The following GUCY1A2 variants were observed in gnomAD, a reference collection of about 807,000 sequenced individuals.
GUCY1A2 encodes the protein guanylate cyclase soluble subunit alpha-2.
A neutral mutation model predicts 63.5 loss-of-function variants in GUCY1A2; 27 were observed. The ratio of observed to expected loss-of-function variants is 0.43; its 90% CI spans 0.31 to 0.59. The LOEUF is 0.59. Among genes scored for constraint, GUCY1A2 ranks in the 20% least tolerant of loss-of-function variants. The probability of loss-of-function intolerance (pLI) is 0.11; values close to 1 mark genes in which losing one functional copy is unlikely to be tolerated. For synonymous variants in GUCY1A2, 364 were observed against 343.5 expected (o/e 1.06, Z -0.66); for missense variants, 768 against 913.3 (o/e 0.84, Z 2.05).
intron 5 of GUCY1A2, among the ~76,000 whole-genome samples, chr11:106,793,417 A>G (rs1670770874): frequency 6.6e-6 from 1 of 152,204 alleles, no homozygotes; most frequent in African/African-American, 2.4e-5. Context: ...ACATAAGGAC[A>G]AAGCTCTGTG....
chr11:106,817,631 T>C (rs1429189668), intron 4 of GUCY1A2, among the ~76,000 whole-genome samples: 2 of 152,042 alleles, frequency 1.3e-5, no homozygotes, highest in East Asian at 3.9e-4. Flanking sequence ...ATCCAAAATA[T>C]ATAAAGAACT....
intron 4 of GUCY1A2, among the ~76,000 whole-genome samples, chr11:106,857,946 C>T (rs886331713): frequency 6.6e-6 from 1 of 152,010 alleles, no homozygotes; most frequent in Non-Finnish European, 1.5e-5. Context: ...GGAACAAATC[C>T]AGGACTTTAA....
chr11:107,008,438 G>A (rs538103309), intron 1 of GUCY1A2, among the ~76,000 whole-genome samples: 20 of 152,148 alleles, frequency 1.3e-4, no homozygotes, highest in African/African-American at 4.3e-4. Flanking sequence ...CTATATTCCC[G>A]TTTATGTCTG....
intron 7 of GUCY1A2, among the ~76,000 whole-genome samples, chr11:106,707,715 G>A (rs1862941176): frequency 6.6e-6 from 1 of 151,860 alleles, no homozygotes; most frequent in South Asian, 2.1e-4. Flanking sequence ...AGACACAGTC[G>A]CTGCCCATAT....
At chr11:106,836,440 CGTCT>C (rs1859118786) in intron 4 of GUCY1A2, among the ~76,000 whole-genome samples, 1 of 151,960 alleles carries the variant, frequency 6.6e-6, no homozygotes, top group Non-Finnish European at 1.5e-5. Context: ...CAAGATGAAT[CGTCT>C]GTCTGAAATG....
At chr11:106,994,295 C>T (rs977020011) in intron 1 of GUCY1A2, among the ~76,000 whole-genome samples, 2 of 152,118 alleles carry the variant, frequency 1.3e-5, no homozygotes, top group African/African-American at 4.8e-5. Flanking sequence ...GTTTGCTTTC[C>T]CAGTATTTTC....
rs533585801 is a variant in GUCY1A2, at chr11:106,823,076, A to G, written c.1207-12598T>C. Among the ~76,000 whole-genome samples, 4 of 152,282 alleles carry G rather than the reference A, an allele frequency of 2.6e-5. No individual in the cohort carries two copies. The South Asian group carries it at 8.3e-4, about 32-fold the overall frequency. On this transcript the variant is annotated intron_variant, in intron 4 of 7. Coordinates refer to ENST00000526355, the MANE Select transcript of GUCY1A2 (RefSeq NM_000855.3). ...TTTGTTTAGTTTCCTAAAAATAAAA[A>G]CAATCACTTATTTTCTTCTGAAAAA...
At chr11:106,893,503 AG>A (rs1433968724) in intron 4 of GUCY1A2, among the ~76,000 whole-genome samples, 5 of 152,178 alleles carry the variant, frequency 3.3e-5, no homozygotes, top group African/African-American at 1.2e-4. Context: ...ATAAAATTAT[AG>A]GGTACAACAT....
At chr11:106,778,245 T>C (rs924415576) in intron 5 of GUCY1A2, among the ~76,000 whole-genome samples, 1 of 152,216 alleles carries the variant, frequency 6.6e-6, no homozygotes, top group African/African-American at 2.4e-5. Context: ...TGTCACTTTT[T>C]CTGTGATGTG....
At chr11:106,719,093 G>T (rs193055250) in intron 6 of GUCY1A2, among the ~76,000 whole-genome samples, 50 of 152,172 alleles carry the variant, frequency 3.3e-4, no homozygotes, top group Admixed American at 2.2e-3. Flanking sequence ...TGCCCAGATT[G>T]AAATCTACCT....
chr11:106,838,263 C>T (rs1243616384), intron 4 of GUCY1A2, among the ~76,000 whole-genome samples: 1 of 151,908 alleles, frequency 6.6e-6, no homozygotes, highest in Non-Finnish European at 1.5e-5. Context: ...AAACTGAAAG[C>T]TTTTTCAAAG....
intron 3 of GUCY1A2, among the ~76,000 whole-genome samples, chr11:106,959,519 GTGTT>G (rs1861033161): frequency 1.3e-5 from 2 of 152,312 alleles, no homozygotes; most frequent in South Asian, 4.1e-4. Context: ...GATACTGGGA[GTGTT>G]TGTAGCTGTC....
intron 4 of GUCY1A2, among the ~76,000 whole-genome samples, chr11:106,898,995 C>T (rs113625861): frequency 1.2e-3 from 183 of 152,224 alleles, no homozygotes; most frequent in African/African-American, 4.1e-3. Context: ...CTCAATTTTG[C>T]TGTGAACCTA....
At chr11:106,937,316 T>G (rs1291330160) in intron 4 of GUCY1A2, among the ~76,000 whole-genome samples, 4 of 152,344 alleles carry the variant, frequency 2.6e-5, no homozygotes, top group Middle Eastern at 3.4e-3. Context: ...CCTTGACATT[T>G]GAGTCATCAT....
chr11:106,939,896 GCAGC>G lies in GUCY1A2; in HGVS notation c.766_769del (p.Ala256GlnfsTer46). 1.2e-6 allele frequency: 2 copies of G among 1,614,050 alleles called. No homozygotes were observed. The highest frequency in any genetic ancestry group is 1.7e-6 in the Non-Finnish European group (2 of 1,179,984). On this transcript the variant is annotated frameshift_variant, in exon 4 of 8. Coordinates refer to ENST00000526355, the MANE Select transcript of GUCY1A2 (RefSeq NM_000855.3). LOFTEE classifies it high-confidence loss of function. The stretch of plus-strand genomic sequence containing the variant: ...ATCCAGCCGATAGATCTTCTTTCCT[GCAGC>G]CTTAATCATCCCCAGCATTGCAAAC...
chr11:106,820,727 T>C (rs1353235710), intron 4 of GUCY1A2, among the ~76,000 whole-genome samples: 1 of 152,122 alleles, frequency 6.6e-6, no homozygotes, highest in Non-Finnish European at 1.5e-5. Flanking sequence ...ATGCAGGAAC[T>C]AAAGCAGAAA....
At chr11:106,726,277 A>G (rs993954505) in intron 6 of GUCY1A2, among the ~76,000 whole-genome samples, 3 of 152,008 alleles carry the variant, frequency 2.0e-5, no homozygotes, top group African/African-American at 7.2e-5. Context: ...TTAGCCAGTC[A>G]TGGTGGCGGG....
intron 4 of GUCY1A2, among the ~76,000 whole-genome samples, chr11:106,860,824 C>T (rs1859501265): frequency 6.6e-6 from 1 of 151,970 alleles, no homozygotes; most frequent in Non-Finnish European, 1.5e-5. Context: ...GACAGTGCAT[C>T]TTCTGTTGCT....
At chr11:106,711,892 A>T (rs2135354528) in intron 6 of GUCY1A2, among the ~76,000 whole-genome samples, 1 of 152,226 alleles carries the variant, frequency 6.6e-6, no homozygotes, top group South Asian at 2.1e-4. Context: ...ATCATTTTGG[A>T]TAACAAATCT....
Sources: allele counts gnomAD v4.1 joint callset (sites outside exome capture counted in the v4.1 genomes callset), GRCh38; gene constraint gnomAD v4.1.1; transcripts MANE v1.5; gene names NCBI Gene and HGNC (gene_info 2026-07-23, HGNC 2026-07-21).